Variants in DPYD observed in about 807,000 individuals in gnomAD.
The protein encoded by DPYD is dihydropyrimidine dehydrogenase.
In DPYD, 109 loss-of-function variants were observed where a neutral mutation model predicts 116.2. The ratio of observed to expected loss-of-function variants is 0.94; its 90% CI spans 0.80 to 1.10. The LOEUF is 1.10. DPYD is among the 50% of genes least tolerant of loss of function. DPYD has a pLI of 0.00. For synonymous variants in DPYD, 440 were observed against 432.0 expected (o/e 1.02, Z -0.23); for missense variants, 1,302 against 1,254.5 (o/e 1.04, Z -0.57).
intron 8 of DPYD, among the ~76,000 whole-genome samples, chr1:97,632,086 G>C (rs1413077076): frequency 1.3e-5 from 2 of 152,056 alleles, no homozygotes; most frequent in East Asian, 3.9e-4. Context: ...AATGAAAAGA[G>C]CTGGCAATGC....
chr1:97,606,597 A>C (rs1286585346), intron 8 of DPYD, among the ~76,000 whole-genome samples: 1 of 152,000 alleles, frequency 6.6e-6, no homozygotes, highest in Non-Finnish European at 1.5e-5. Flanking sequence ...GACAGGAAGA[A>C]GCAAAATGCG....
At chr1:97,818,541 G>A (rs1009768875) in intron 3 of DPYD, among the ~76,000 whole-genome samples, 2 of 151,960 alleles carry the variant, frequency 1.3e-5, no homozygotes, top group Non-Finnish European at 2.9e-5. Flanking sequence ...AAATAATCCA[G>A]AAGCATTGTT....
At chr1:97,504,557 G>T (rs2101941161) in intron 13 of DPYD, among the ~76,000 whole-genome samples, 1 of 152,056 alleles carries the variant, frequency 6.6e-6, no homozygotes, top group South Asian at 2.1e-4. Flanking sequence ...AGATTCAAAA[G>T]CACCATAGGG....
intron 13 of DPYD, among the ~76,000 whole-genome samples, chr1:97,486,298 C>T (rs1678629877): frequency 6.6e-6 from 1 of 152,106 alleles, no homozygotes; most frequent in South Asian, 2.1e-4. Context: ...TTCCATTTTG[C>T]AGTTTTTAAG....
At chr1:97,767,020 A>G (rs899856758) in intron 3 of DPYD, among the ~76,000 whole-genome samples, 1 of 152,156 alleles carries the variant, frequency 6.6e-6, no homozygotes, top group African/African-American at 2.4e-5. Context: ...GATTTAAGAA[A>G]CATTTCCTAT....
At chr1:97,132,533 C>CA (rs1335798550) in intron 20 of DPYD, among the ~76,000 whole-genome samples, 3 of 152,002 alleles carry the variant, frequency 2.0e-5, no homozygotes, top group Non-Finnish European at 2.9e-5. Flanking sequence ...AACTATAGAA[C>CA]ATTTGACAAA....
intron 20 of DPYD, among the ~76,000 whole-genome samples, chr1:97,155,339 A>T (rs1192135697): frequency 6.6e-6 from 1 of 152,072 alleles, no homozygotes; most frequent in Non-Finnish European, 1.5e-5. Flanking sequence ...AGTTCTTTTC[A>T]TCTATCAAAT....
intron 20 of DPYD, among the ~76,000 whole-genome samples, chr1:97,176,625 T>A (rs1657278300): frequency 6.6e-6 from 1 of 152,194 alleles, no homozygotes. Flanking sequence ...TCAGGGATAA[T>A]CACTACTGTT....
intron 18 of DPYD, among the ~76,000 whole-genome samples, chr1:97,303,090 A>T (rs559796439): frequency 1.3e-5 from 2 of 152,120 alleles, no homozygotes; most frequent in South Asian, 4.1e-4. Context: ...TCCGTATTTA[A>T]ACAAAACATA....
At chr1:97,661,676 A>T (rs1294468139) in intron 8 of DPYD, among the ~76,000 whole-genome samples, 1 of 152,166 alleles carries the variant, frequency 6.6e-6, no homozygotes, top group Non-Finnish European at 1.5e-5. Flanking sequence ...TTGCAGAATA[A>T]CTTTATTGGT....
chr1:97,794,384 TAAAC>T (rs1237769073), intron 3 of DPYD, among the ~76,000 whole-genome samples: 4 of 151,864 alleles, frequency 2.6e-5, no homozygotes, highest in Non-Finnish European at 4.4e-5. Flanking sequence ...CCAAAAAAAA[TAAAC>T]AAATGTCCTA....
intron 10 of DPYD, among the ~76,000 whole-genome samples, chr1:97,590,494 A>G (rs77743956): frequency 0.085 from 12,890 of 152,274 alleles, 768 homozygotes; most frequent in Middle Eastern, 0.14. Flanking sequence ...AGAGATGATC[A>G]TGGCCCTTTC....
At chr1:97,599,019 G>A (rs974112436) in intron 8 of DPYD, among the ~76,000 whole-genome samples, 12 of 152,188 alleles carry the variant, frequency 7.9e-5, no homozygotes, top group African/African-American at 2.9e-4. Context: ...CATTCAACAT[G>A]TATGTATTAA....
chr1:97,601,780 C>T (rs574062821), intron 8 of DPYD, among the ~76,000 whole-genome samples: 8 of 151,966 alleles, frequency 5.3e-5, no homozygotes, highest in South Asian at 2.1e-4. Context: ...ATTTTCTTCC[C>T]GATGTGCTGC....
chr1:97,173,519 T>C (rs1391594396), intron 20 of DPYD, among the ~76,000 whole-genome samples: 3 of 150,386 alleles, frequency 2.0e-5, no homozygotes, highest in African/African-American at 7.4e-5. Context: ...ACACAAAAGG[T>C]ATATACAATT....
rs760853559 is a variant in DPYD, at chr1:97,515,852, G to A, written c.1614C>T (p.Ala538=). ...IDLVDISVEM[A]GLKFINPFGL... ...CAAAAGGATTTATAAACTTCAATCC[G>A]GCCATTTCTACACTAATGTCCACCA... The change falls in exon 13 of 23, where the codon GCC becomes GCT. Residue 538 remains alanine (A), a synonymous_variant. Transcript: ENST00000370192. 46 of 1,612,714 alleles carry A rather than the reference G, an allele frequency of 2.9e-5. No homozygotes were observed. Among genetic ancestry groups the A allele is most frequent in the Middle Eastern group, 1.6e-4 (1 of 6,076 alleles).
chr1:97,141,969 C>T (rs1029358569), intron 20 of DPYD, among the ~76,000 whole-genome samples: 6 of 152,108 alleles, frequency 3.9e-5, no homozygotes, highest in South Asian at 2.1e-4. Context: ...GAACCACACA[C>T]GAAAACTGCT....
At chr1:97,703,879 C>A (rs1661748077) in intron 5 of DPYD, among the ~76,000 whole-genome samples, 1 of 151,850 alleles carries the variant, frequency 6.6e-6, no homozygotes, top group South Asian at 2.1e-4. Context: ...TTTAATTTTT[C>A]AAAATTACTG....
At chr1:97,527,365 C>CAG (rs1417717179) in intron 12 of DPYD, among the ~76,000 whole-genome samples, 1 of 152,026 alleles carries the variant, frequency 6.6e-6, no homozygotes, top group Non-Finnish European at 1.5e-5. Context: ...GCGTGAGCCA[C>CAG]CATGCCCAGC....
Sources: allele counts gnomAD v4.1 joint callset (sites outside exome capture counted in the v4.1 genomes callset), GRCh38; gene constraint gnomAD v4.1.1; transcripts MANE v1.5; gene names NCBI Gene and HGNC (gene_info 2026-07-23, HGNC 2026-07-21).